The following SHISA9 variants were observed in gnomAD, a reference collection of about 807,000 sequenced individuals.
SHISA9 encodes the protein shisa family member 9, also known as protein shisa-9.
A neutral mutation model predicts 38.0 loss-of-function variants in SHISA9; 13 were observed. That is an observed-to-expected ratio of 0.34 (90% CI 0.22 to 0.54). The LOEUF is 0.54. Ranked by LOEUF, SHISA9 falls within the 20% of genes least tolerant of loss-of-function variation. The pLI is 0.91. For synonymous variants in SHISA9, 275 were observed against 242.0 expected, an observed-to-expected ratio of 1.14 and a Z score of -1.27; for missense variants, 538 against 575.8, an observed-to-expected ratio of 0.93 and a Z score of 0.67.
chr16:13,474,818 C>CA, the SHISA9 span, among the ~76,000 whole-genome samples: 101 of 152,168 alleles, frequency 6.6e-4, no homozygotes, highest in African/African-American at 2.3e-3. Context: ...GCAGGGGTTA[C>CA]AGTGAGTGCA....
At chr16:12,913,354 GC>G (rs1417962417) in intron 1 of SHISA9, among the ~76,000 whole-genome samples, 1 of 151,908 alleles carries the variant, frequency 6.6e-6, no homozygotes, top group Non-Finnish European at 1.5e-5. Flanking sequence ...CCACCACCAC[GC>G]CCAGCTAATT....
chr16:13,050,116 A>C (rs2073233618), intron 2 of SHISA9, among the ~76,000 whole-genome samples: 1 of 152,154 alleles, frequency 6.6e-6, no homozygotes, highest in Non-Finnish European at 1.5e-5. Context: ...GATGTCTAGG[A>C]TATATTGGTA....
At chr16:13,317,180 G>C in the SHISA9 span, among the ~76,000 whole-genome samples, 1 of 152,314 alleles carries the variant, frequency 6.6e-6, no homozygotes, top group Admixed American at 6.5e-5. Flanking sequence ...GGGAGAAAAA[G>C]GGCAGCTTGC....
the SHISA9 span, among the ~76,000 whole-genome samples, chr16:13,382,985 A>C: frequency 6.6e-6 from 1 of 152,234 alleles, no homozygotes. Context: ...TTCAATCAGC[A>C]GTCACTAAGT....
chr16:13,060,601 T>G (rs1278500674), intron 2 of SHISA9, among the ~76,000 whole-genome samples: 1 of 144,856 alleles, frequency 6.9e-6, no homozygotes, highest in Non-Finnish European at 1.5e-5. Context: ...CCCAGGAGTT[T>G]GAGTCCAGTC....
chr16:12,978,376 C>T (rs944082657), intron 2 of SHISA9, among the ~76,000 whole-genome samples: 5 of 152,174 alleles, frequency 3.3e-5, no homozygotes, highest in Non-Finnish European at 2.9e-5. Flanking sequence ...AAGACTACTA[C>T]GTAACCCAAG....
intron 2 of SHISA9, among the ~76,000 whole-genome samples, chr16:12,926,143 G>C (rs901408284): frequency 2.6e-5 from 4 of 152,184 alleles, no homozygotes; most frequent in African/African-American, 9.7e-5. Context: ...AGGTCACAGA[G>C]ATATTTGCTG....
intron 2 of SHISA9, among the ~76,000 whole-genome samples, chr16:12,946,147 T>C (rs2071685920): frequency 6.6e-6 from 1 of 152,142 alleles, no homozygotes; most frequent in Non-Finnish European, 1.5e-5. Flanking sequence ...GACCAGATGG[T>C]TGTAGATGTG....
chr16:13,212,538 A>T (rs182934053), intron 3 of SHISA9, among the ~76,000 whole-genome samples: 1 of 152,372 alleles, frequency 6.6e-6, no homozygotes, highest in East Asian at 1.9e-4. Context: ...AACTCCAGGC[A>T]CACACCTGTT....
At chr16:13,078,222 G>T (rs189279729) in intron 2 of SHISA9, among the ~76,000 whole-genome samples, 1 of 152,194 alleles carries the variant, frequency 6.6e-6, no homozygotes, top group Non-Finnish European at 1.5e-5. Flanking sequence ...AAAATCTCTA[G>T]ATGCTCAAGT....
At chr16:13,222,080 C>A (rs907619910) in intron 4 of SHISA9, among the ~76,000 whole-genome samples, 4 of 152,130 alleles carry the variant, frequency 2.6e-5, no homozygotes, top group African/African-American at 9.7e-5. Context: ...AGAGTGTGTG[C>A]AGGGGAACTC....
At chr16:13,300,420 G>A in the SHISA9 span, among the ~76,000 whole-genome samples, 66 of 152,074 alleles carry the variant, frequency 4.3e-4, no homozygotes, top group African/African-American at 1.3e-3. Flanking sequence ...GAGAAAAATC[G>A]GAGAGGTGCA....
intron 2 of SHISA9, among the ~76,000 whole-genome samples, chr16:13,080,802 C>T (rs1026246231): frequency 2.6e-5 from 4 of 152,174 alleles, no homozygotes; most frequent in Admixed American, 6.5e-5. Flanking sequence ...AGACCATAGA[C>T]GGAGTGGCTT....
intron 2 of SHISA9, among the ~76,000 whole-genome samples, chr16:12,975,053 G>C (rs2072138698): frequency 6.6e-6 from 1 of 152,076 alleles, no homozygotes; most frequent in African/African-American, 2.4e-5. Flanking sequence ...ACAAATATTT[G>C]TTGAGCACCT....
At chr16:13,435,386 A>G in the SHISA9 span, among the ~76,000 whole-genome samples, 4 of 152,250 alleles carry the variant, frequency 2.6e-5, no homozygotes, top group Admixed American at 6.5e-5. Context: ...TAAATAAAAC[A>G]TCAGGCAAAT....
rs2051395416 is a variant in SHISA9, at chr16:13,237,347, A to G, written c.*1938A>G. 6.6e-6 allele frequency: 1 copy of G among 152,176 alleles called. No individual in the cohort carries two copies. The highest frequency in any genetic ancestry group is 2.4e-5 in the African/African-American group (1 of 41,438). The allele number at this position is 152,176 out of a possible 1,614,324, so 9.4% of individuals were successfully genotyped here. A position where few individuals can be genotyped will look rare whatever the true frequency, so the allele number is the denominator to read the frequency against. On this transcript the variant is annotated 3_prime_UTR_variant, in exon 5 of 5. Transcript: ENST00000558583. ...GTAGGTCAAGCTTTTTGAAACTGCA[A>G]AACCTCTACCTGTTTTTAAAAATGA... is the stretch of plus-strand genomic sequence containing the variant.
At chr16:13,530,069 T>C in the SHISA9 span, among the ~76,000 whole-genome samples, 1 of 152,158 alleles carries the variant, frequency 6.6e-6, no homozygotes, top group Non-Finnish European at 1.5e-5. Context: ...GAGGCCAAGG[T>C]GGGTGGACCA....
chr16:13,263,286 G>A, the SHISA9 span, among the ~76,000 whole-genome samples: 1 of 152,148 alleles, frequency 6.6e-6, no homozygotes, highest in Non-Finnish European at 1.5e-5. Context: ...TTGGGTCTGT[G>A]TCCCCACCCA....
the SHISA9 span, among the ~76,000 whole-genome samples, chr16:13,454,975 C>T: frequency 6.6e-6 from 1 of 151,902 alleles, no homozygotes. Context: ...CTTGGCCAAT[C>T]TCACTATTGC....
Sources: allele counts gnomAD v4.1 joint callset (sites outside exome capture counted in the v4.1 genomes callset), GRCh38; gene constraint gnomAD v4.1.1; transcripts MANE v1.5; gene names NCBI Gene and HGNC (gene_info 2026-07-23, HGNC 2026-07-21).